Variants in WDR25 observed in about 807,000 individuals in gnomAD.
WDR25 encodes WD repeat domain 25.
Under a neutral mutation model 47.7 loss-of-function variants are expected in WDR25, and 35 were observed. The ratio of observed to expected loss-of-function variants is 0.73; its 90% confidence interval spans 0.56 to 0.97. The LOEUF (loss-of-function observed/expected upper bound fraction) is 0.97, where lower values mean the gene tolerates loss of function less well. Among genes scored for constraint, WDR25 ranks in the 50% least tolerant of loss-of-function variants. The probability of loss-of-function intolerance (pLI) is 0.00; values close to 1 mark genes in which losing one functional copy is unlikely to be tolerated. For synonymous variants in WDR25, 248 were observed against 278.9 expected (o/e 0.89, Z 1.10); for missense variants, 634 against 704.7 (o/e 0.90, Z 1.14).
chr14:100,416,919 A>T (rs1214307928), intron 2 of WDR25, among the ~76,000 whole-genome samples: 1 of 152,220 alleles, frequency 6.6e-6, no homozygotes, highest in African/African-American at 2.4e-5. Flanking sequence ...AAATGTGTCA[A>T]TACCTTTCCC....
chr14:100,527,782 A>G (rs2030258848), intron 5 of WDR25, among the ~76,000 whole-genome samples: 1 of 152,206 alleles, frequency 6.6e-6, no homozygotes, highest in South Asian at 2.1e-4. Flanking sequence ...TTATCTGGCC[A>G]TGGCAGCCTC....
rs1359943011 is a variant in WDR25 at position 100,440,597 on chromosome 14, G to T, written c.823-27424G>T. ...CTCCTGCTTTGTCCATGTGGAAGGA[G>T]CCCAGGCTGCCCTGGCTGCTATACG... is the stretch of plus-strand genomic sequence containing the variant. On this transcript the variant is annotated intron_variant, in intron 2 of 6. Coordinates refer to ENST00000402312, the MANE Select transcript of WDR25 (RefSeq NM_001161476.3). This position sits in a 1 kb window ranked among gnomAD's most constrained non-coding sequence, Gnocchi z 4.4. Among the ~76,000 whole-genome samples the T allele has an allele frequency of 1.3e-5, 2 of 152,252 alleles. No homozygotes were observed. Among genetic ancestry groups the T allele is most frequent in the Non-Finnish European group, 2.9e-5 (2 of 68,050 alleles).
chr14:100,462,827 C>T (rs981639800), intron 2 of WDR25, among the ~76,000 whole-genome samples: 1 of 151,378 alleles, frequency 6.6e-6, no homozygotes, highest in African/African-American at 2.4e-5. Flanking sequence ...CTCTCTTCCC[C>T]TCCCTTCTCT....
intron 2 of WDR25, among the ~76,000 whole-genome samples, chr14:100,451,157 G>A (rs548134173): frequency 3.9e-5 from 6 of 152,092 alleles, no homozygotes; most frequent in Non-Finnish European, 7.4e-5. Context: ...GAAAATAGAC[G>A]CCAGGCAGGC....
At position 100,381,490 on chromosome 14, in the gene WDR25, C is replaced by T. The variant is rs370163030; in HGVS notation, c.566C>T (p.Thr189Met). Reference protein sequence around the residue: ...RRLRQRQALSTETGKGKDVEP... With the variant: ...RRLRQRQALSMETGKGKDVEP... ...CTAAGACAGCGGCAGGCATTAAGCA[C>T]GGAGACAGGCAAGGGTAAAGACGTG... Residue 189 changes from threonine (T) to methionine (M), a missense_variant, in exon 2 of 7, where the codon ACG (threonine) becomes ATG (methionine). By Grantham distance (81) the Thr-to-Met change is moderately conservative. Transcript: ENST00000402312. The T allele has an allele frequency of 2.4e-5, 38 of 1,614,050 alleles. No individual in the cohort carries two copies. Among genetic ancestry groups the T allele is most frequent in the South Asian group, 1.3e-4 (12 of 91,086 alleles).
chr14:100,518,332 A>G (rs1901576835), intron 4 of WDR25, among the ~76,000 whole-genome samples: 1 of 151,802 alleles, frequency 6.6e-6, no homozygotes, highest in African/African-American at 2.4e-5. Context: ...CTGATGATAC[A>G]TTTATGGTAT....
intron 3 of WDR25, chr14:100,480,853 G>C (rs7494069): frequency 0.59 from 140,571 of 238,048 alleles, 42,656 homozygotes; most frequent in Admixed American, 0.71. Flanking sequence ...CCTTTGCTTC[G>C]ATGGTGGATA....
At chr14:100,452,012 A>G (rs1899049615) in intron 2 of WDR25, among the ~76,000 whole-genome samples, 1 of 152,142 alleles carries the variant, frequency 6.6e-6, no homozygotes, top group Admixed American at 6.5e-5. Flanking sequence ...TCCATCATCC[A>G]TCCAACTATC....
chr14:100,508,778 A>G (rs1901202320), intron 4 of WDR25, among the ~76,000 whole-genome samples: 1 of 152,124 alleles, frequency 6.6e-6, no homozygotes. Flanking sequence ...TAAGAAAGCT[A>G]CCTTCTATTC....
chr14:100,506,355 G>A lies in WDR25; in HGVS notation c.1102-19515G>A, dbSNP rs922163777. 6.6e-6 allele frequency among the ~76,000 whole-genome samples: 1 copy of A among 152,138 alleles called. No individual in the cohort carries two copies. The highest frequency in any genetic ancestry group is 6.5e-5 in the Admixed American group (1 of 15,278). On this transcript the variant is annotated intron_variant, in intron 4 of 6. Transcript: ENST00000402312. The surrounding 1 kb of genome is among the most constrained non-coding windows in gnomAD (Gnocchi z 4.8). ...ATTGATTCCATGTCTTTGCTATTGTGAATAGTGCTGTGATGAACACGTGAG... is the reference window on the plus strand; with the variant it reads ...ATTGATTCCATGTCTTTGCTATTGTAAATAGTGCTGTGATGAACACGTGAG...
At chr14:100,471,802 T>C (rs1448748635) in intron 3 of WDR25, among the ~76,000 whole-genome samples, 1 of 152,236 alleles carries the variant, frequency 6.6e-6, no homozygotes, top group Non-Finnish European at 1.5e-5. Context: ...CATTAATTTA[T>C]AGTTCTGACA....
chr14:100,459,894 G>GTGTATATATATATATA (rs1172584092), intron 2 of WDR25, among the ~76,000 whole-genome samples: 4 of 78,270 alleles, frequency 5.1e-5, no homozygotes, highest in Non-Finnish European at 8.1e-5. Context: ...GTGTGTGTGT[G>GTGTATATATATATATA]TATATATATA....
chr14:100,474,376 C>T (rs563849136), intron 3 of WDR25, among the ~76,000 whole-genome samples: 98 of 152,344 alleles, frequency 6.4e-4, no homozygotes, highest in African/African-American at 2.3e-3. Context: ...TCCACAAACA[C>T]AGCTCACGCC....
chr14:100,467,867 C>CTGGTGGAAAGCTT (rs886796538), intron 2 of WDR25, among the ~76,000 whole-genome samples, 154 bp from the exon 3 acceptor site: 10 of 152,098 alleles, frequency 6.6e-5, no homozygotes, highest in African/African-American at 2.4e-4. Context: ...TACATTTCTG[C>CTGGTGGAAAGCTT]AATGAAAAGT....
intron 2 of WDR25, among the ~76,000 whole-genome samples, chr14:100,447,620 T>C (rs1221147307): frequency 6.6e-6 from 1 of 151,906 alleles, no homozygotes; most frequent in Admixed American, 6.6e-5. Flanking sequence ...GCACCAGACA[T>C]GGTGAGGTGG....
chr14:100,503,084 C>T (rs552447817), intron 4 of WDR25, among the ~76,000 whole-genome samples: 23 of 151,606 alleles, frequency 1.5e-4, no homozygotes, highest in African/African-American at 5.6e-4. Flanking sequence ...TGTGCATGCG[C>T]ATTCAGAGGA....
At chr14:100,423,873 A>G (rs1898095219) in intron 2 of WDR25, among the ~76,000 whole-genome samples, 1 of 152,174 alleles carries the variant, frequency 6.6e-6, no homozygotes, top group African/African-American at 2.4e-5. Context: ...TTGAGGGGCT[A>G]CTTTTCTGGA....
Position 100,468,032 on chromosome 14 carries a change from C to T in WDR25, c.834C>T (p.Ala278=), listed in dbSNP as rs778400423. The change falls in exon 3 of 7, where the codon GCC becomes GCT. Residue 278 remains alanine (A), a synonymous_variant. Coordinates refer to ENST00000402312, the MANE Select transcript of WDR25 (RefSeq NM_001161476.3). This position sits in a 1 kb window ranked among gnomAD's most constrained non-coding sequence, Gnocchi z 4.5. ...SMDKTFKVWN[A]VDSGHCLQTY... is the part of the protein sequence containing the mutation. ...GTGTTTGCCTGCAGGTATGGAACGCCGTGGACTCCGGGCACTGCCTGCAGA... is the reference window on the plus strand; with the variant it reads ...GTGTTTGCCTGCAGGTATGGAACGCTGTGGACTCCGGGCACTGCCTGCAGA... The T allele has an allele frequency of 5.6e-6, 9 of 1,613,018 alleles. No individual in the cohort carries two copies. The highest frequency in any genetic ancestry group is 3.3e-5 in the South Asian group (3 of 91,048).
intron 2 of WDR25, among the ~76,000 whole-genome samples, chr14:100,422,676 G>A (rs907118842): frequency 6.6e-6 from 1 of 152,158 alleles, no homozygotes; most frequent in Non-Finnish European, 1.5e-5. Flanking sequence ...TTCCGTGGAC[G>A]CCCACCAGCG....
Sources: gnomAD v4.1 joint callset for allele counts (sites outside exome capture counted in the v4.1 genomes callset) on GRCh38, gnomAD v4.1.1 for gene constraint, Gnocchi (gnomAD v3.1) non-coding constraint, MANE v1.5 for transcripts, NCBI Gene and HGNC (gene_info 2026-07-23, HGNC 2026-07-21) for gene names.